The following SSBP2 variants were observed in gnomAD, a reference collection of about 807,000 sequenced individuals.
SSBP2 encodes the protein single stranded DNA binding protein 2, also known as single-stranded DNA-binding protein 2.
In SSBP2, 17 loss-of-function variants were observed where a neutral mutation model predicts 61.8. That is an observed-to-expected ratio of 0.28 (90% CI 0.19 to 0.41). The LOEUF (loss-of-function observed/expected upper bound fraction) is 0.41, where lower values mean the gene tolerates loss of function less well. Among genes scored for constraint, SSBP2 ranks in the 10% least tolerant of loss-of-function variants. The pLI, the probability that SSBP2 is intolerant of heterozygous loss-of-function variation, is 1.00. For missense variants in SSBP2, 310 were observed against 458.7 expected (o/e 0.68, Z 2.96); for synonymous variants, 139 against 141.3 (o/e 0.98, Z 0.12).
chr5:81,706,249 C>CAT (rs1377787584), intron 1 of SSBP2, among the ~76,000 whole-genome samples: 1 of 152,092 alleles, frequency 6.6e-6, no homozygotes, highest in African/African-American at 2.4e-5. Flanking sequence ...CCAAATGCTG[C>CAT]ATATTCTCAT....
At chr5:81,655,223 T>G (rs1750111623) in intron 1 of SSBP2, among the ~76,000 whole-genome samples, 1 of 152,138 alleles carries the variant, frequency 6.6e-6, no homozygotes, top group South Asian at 2.1e-4. Context: ...AAGATAAATA[T>G]TGAATATACA....
rs901539174 is a variant in SSBP2, at chr5:81,452,920, G to A, written c.688-4095C>T. On this transcript the variant is annotated intron_variant, in intron 10 of 16. Coordinates refer to ENST00000320672, the MANE Select transcript of SSBP2 (RefSeq NM_012446.5). ...GATCTAGGATTAAACTAGATTTTTGGTAGTTGAAACAACATGGTAGCATTA... is the reference window on the plus strand; with the variant it reads ...GATCTAGGATTAAACTAGATTTTTGATAGTTGAAACAACATGGTAGCATTA... Among the ~76,000 whole-genome samples, 16 of 151,032 alleles carry A rather than the reference G, an allele frequency of 1.1e-4. No individual in the cohort carries two copies. The East Asian group carries it at 2.9e-3, about 27-fold the overall frequency.
At chr5:81,601,196 A>G (rs1057046381) in intron 4 of SSBP2, among the ~76,000 whole-genome samples, 2 of 152,184 alleles carry the variant, frequency 1.3e-5, no homozygotes, top group African/African-American at 2.4e-5. Context: ...CCATGACTCA[A>G]TTTAATAACA....
rs368112750 is a variant in SSBP2 at position 81,502,481 on chromosome 5, T to A, written c.372+11147A>T. On this transcript the variant is annotated intron_variant, in intron 5 of 16. Coordinates refer to ENST00000320672, the MANE Select transcript of SSBP2 (RefSeq NM_012446.5). ...ATCTTGTTGATGTCATCCAGGCTCA[T>A]AGCTTCAAATATATTCCAATCCATA... Among the ~76,000 whole-genome samples the A allele has an allele frequency of 2.0e-4, 31 of 152,320 alleles. No individual in the cohort carries two copies. In the South Asian group the frequency reaches 3.1e-3, roughly 15 times the overall value.
intron 4 of SSBP2, among the ~76,000 whole-genome samples, chr5:81,592,693 T>C (rs1317282711): frequency 6.6e-6 from 1 of 152,328 alleles, no homozygotes; most frequent in East Asian, 1.9e-4. Context: ...CAATATACGC[T>C]GTTCTGCAGC....
intron 3 of SSBP2, among the ~76,000 whole-genome samples, 163 bp from the exon 4 acceptor site, chr5:81,615,720 T>C (rs1172162492): frequency 6.6e-6 from 1 of 152,206 alleles, no homozygotes; most frequent in Non-Finnish European, 1.5e-5. Context: ...CTTCATGCAA[T>C]AACAGTGTTA....
intron 4 of SSBP2, among the ~76,000 whole-genome samples, chr5:81,542,614 C>CA (rs1167612491): frequency 1.4e-5 from 2 of 139,516 alleles, no homozygotes; most frequent in Admixed American, 7.1e-5. Flanking sequence ...TATGCATCCA[C>CA]AAAAAAGAAC....
chr5:81,483,494 A>C (rs1322083048), intron 6 of SSBP2, among the ~76,000 whole-genome samples: 3 of 152,256 alleles, frequency 2.0e-5, no homozygotes, highest in Non-Finnish European at 4.4e-5. Context: ...TAATGATATA[A>C]TTAAATATCA....
intron 4 of SSBP2, among the ~76,000 whole-genome samples, chr5:81,604,802 G>C (rs1304094023): frequency 2.0e-5 from 3 of 151,988 alleles, no homozygotes; most frequent in African/African-American, 7.2e-5. Context: ...CTTAAATTAA[G>C]TGTTTCAATT....
At chr5:81,660,935 G>A (rs1003051039) in intron 1 of SSBP2, among the ~76,000 whole-genome samples, 8 of 151,416 alleles carry the variant, frequency 5.3e-5, no homozygotes, top group African/African-American at 1.9e-4. Flanking sequence ...CATGTTCTCA[G>A]TCATAAGTGG....
chr5:81,450,410 T>C (rs1043729238), intron 10 of SSBP2, among the ~76,000 whole-genome samples: 1 of 152,190 alleles, frequency 6.6e-6, no homozygotes. Context: ...TCTCTCTGTC[T>C]TTAGCACTTG....
chr5:81,610,855 A>G (rs1475263214), intron 4 of SSBP2, among the ~76,000 whole-genome samples: 2 of 152,112 alleles, frequency 1.3e-5, no homozygotes, highest in Non-Finnish European at 2.9e-5. Context: ...TTAGCCGGGC[A>G]TGGTGGCACA....
intron 12 of SSBP2, 86 bp downstream of exon 12, chr5:81,446,782 A>G: frequency 7.5e-7 from 1 of 1,338,834 alleles, no homozygotes; most frequent in Non-Finnish European, 1.0e-6. Context: ...CATGAATACT[A>G]CTAACTTTAT....
chr5:81,486,192 T>C (rs1744293505), intron 6 of SSBP2, among the ~76,000 whole-genome samples: 1 of 152,182 alleles, frequency 6.6e-6, no homozygotes, highest in African/African-American at 2.4e-5. Context: ...AGAGAGCCTA[T>C]ATAAAAACTT....
At chr5:81,496,943 A>C (rs1767333870) in intron 5 of SSBP2, among the ~76,000 whole-genome samples, 1 of 152,214 alleles carries the variant, frequency 6.6e-6, no homozygotes, top group Admixed American at 6.5e-5. Flanking sequence ...GGCCCTCAGC[A>C]ACTGTGCAAC....
chr5:81,656,396 C>T (rs776880272), intron 1 of SSBP2, among the ~76,000 whole-genome samples: 4 of 152,132 alleles, frequency 2.6e-5, no homozygotes, highest in Non-Finnish European at 5.9e-5. Context: ...CAACTGTTGA[C>T]TGTCCCTACA....
chr5:81,737,736 C>T (rs1266510453), intron 1 of SSBP2, among the ~76,000 whole-genome samples: 2 of 146,760 alleles, frequency 1.4e-5, no homozygotes, highest in Non-Finnish European at 3.0e-5. Flanking sequence ...TGCAGTGAGC[C>T]GAGATTGCTC....
rs770394388 is a variant in SSBP2, at chr5:81,660,614, C to A, written c.63-10275G>T. 3.4e-4 allele frequency among the ~76,000 whole-genome samples: 52 copies of A among 152,180 alleles called. 1 individual carries two copies. The highest frequency in any genetic ancestry group is 2.1e-4 in the Non-Finnish European group (14 of 68,042). On this transcript the variant is annotated intron_variant, in intron 1 of 16. Coordinates refer to ENST00000320672, the MANE Select transcript of SSBP2 (RefSeq NM_012446.5). ...GACAGTGTGGCAATTCCTCAAGGAC[C>A]TAGAACCAGAAATACCATGTGACCC...
chr5:81,593,273 GGAAGA>G (rs1375365365), intron 4 of SSBP2, among the ~76,000 whole-genome samples: 5 of 152,158 alleles, frequency 3.3e-5, no homozygotes, highest in Admixed American at 2.0e-4. Context: ...AAATGAAGCA[GGAAGA>G]GAAGTTTAGA....
Sources: gnomAD v4.1 joint callset for allele counts (sites outside exome capture counted in the v4.1 genomes callset) on GRCh38, gnomAD v4.1.1 for gene constraint, MANE v1.5 for transcripts, NCBI Gene and HGNC (gene_info 2026-07-23, HGNC 2026-07-21) for gene names.